Variants in SP100 observed in about 807,000 individuals in gnomAD.
The protein encoded by SP100 is nuclear autoantigen Sp-100.
Under a neutral mutation model 130.0 loss-of-function variants are expected in SP100, and 84 were observed. The ratio of observed to expected loss-of-function variants is 0.65; its 90% CI spans 0.54 to 0.77. The LOEUF (loss-of-function observed/expected upper bound fraction) is 0.77. Ranked by LOEUF, SP100 falls within the 30% of genes least tolerant of loss-of-function variation. The pLI is 0.00. For synonymous variants in SP100, 331 were observed against 351.7 expected (o/e 0.94, Z 0.66); for missense variants, 978 against 1,052.2 (o/e 0.93, Z 0.97).
intron 4 of SP100, among the ~76,000 whole-genome samples, chr2:230,446,221 C>G (rs35919859): frequency 6.6e-6 from 1 of 152,040 alleles, no homozygotes; most frequent in African/African-American, 2.4e-5. Flanking sequence ...TGATCCTCCC[C>G]CCTCAGCCTC....
intron 24 of SP100, among the ~76,000 whole-genome samples, chr2:230,526,714 G>A (rs193297868): frequency 8.5e-5 from 13 of 152,234 alleles, no homozygotes; most frequent in Admixed American, 7.9e-4. Flanking sequence ...AATAAACAGT[G>A]TGGAGAAGAA....
At chr2:230,538,703 C>G (rs1692047817) in intron 24 of SP100, 1 of 153,276 alleles carries the variant, frequency 6.5e-6, no homozygotes, top group Non-Finnish European at 1.5e-5. Flanking sequence ...CCCTGTACTC[C>G]CTGGTGCCCA....
intron 10 of SP100, 154 bp downstream of exon 10, chr2:230,462,672 G>T: frequency 1.6e-6 from 1 of 633,906 alleles, no homozygotes. Flanking sequence ...GACCTTTTTG[G>T]AAAATGCAGG....
At chr2:230,464,198 CA>C (rs767837527) in intron 11 of SP100, 48 bp downstream of exon 11, 6 of 1,139,668 alleles carry the variant, frequency 5.3e-6, no homozygotes, top group Non-Finnish European at 8.0e-6. Flanking sequence ...ATCCAGAGTA[CA>C]AATCCAGAGC....
At chr2:230,421,447 A>G (rs2062765690) in intron 2 of SP100, among the ~76,000 whole-genome samples, 1 of 150,748 alleles carries the variant, frequency 6.6e-6, no homozygotes, top group Non-Finnish European at 1.5e-5. Context: ...TTACTATCTC[A>G]TTTTGGTTTA....
At chr2:230,528,916 T>C (rs1428991833) in intron 24 of SP100, among the ~76,000 whole-genome samples, 1 of 152,220 alleles carries the variant, frequency 6.6e-6, no homozygotes, top group Non-Finnish European at 1.5e-5. Flanking sequence ...TAACAGGTTC[T>C]GAAATTGAGG....
intron 2 of SP100, among the ~76,000 whole-genome samples, chr2:230,435,649 G>C (rs76802348): frequency 6.6e-6 from 1 of 152,030 alleles, no homozygotes; most frequent in Non-Finnish European, 1.5e-5. Context: ...TTCGCTGTGT[G>C]ATTCATTCCA....
chr2:230,432,852 T>G (rs2063139275), intron 2 of SP100, among the ~76,000 whole-genome samples: 1 of 152,216 alleles, frequency 6.6e-6, no homozygotes, highest in Non-Finnish European at 1.5e-5. Flanking sequence ...TGTTAAATTT[T>G]AACATCATTT....
Position 230,469,081 on chromosome 2 carries a change from C to T in SP100, c.1330C>T (p.Pro444Ser). 1 of 1,598,174 alleles carries T rather than the reference C, an allele frequency of 6.3e-7. No homozygotes were observed. Among genetic ancestry groups the T allele is most frequent in the Non-Finnish European group, 8.6e-7 (1 of 1,167,776 alleles). ...TAGAAGTACATCTACTTGGAGAATA[C>T]CCAGCAGGAAGAGACGTAAGAGCAA... is the stretch of plus-strand genomic sequence containing the variant. ...TSRSTSTWRIPSRKRRFSSSD... is the reference protein window; with the variant it reads ...TSRSTSTWRISSRKRRFSSSD... The change falls in exon 14 of 29, where the codon CCC becomes TCC. Residue 444 changes from proline (P) to serine (S), a missense_variant. Transcript: ENST00000340126.
At chr2:230,459,345 A>G (rs2064459303) in intron 8 of SP100, among the ~76,000 whole-genome samples, 1 of 152,176 alleles carries the variant, frequency 6.6e-6, no homozygotes, top group African/African-American at 2.4e-5. Flanking sequence ...TCCTATTACT[A>G]TGGAGAAAGA....
intron 25 of SP100, among the ~76,000 whole-genome samples, chr2:230,540,575 C>T (rs772131940): frequency 6.6e-5 from 10 of 152,144 alleles, no homozygotes; most frequent in African/African-American, 1.9e-4. Flanking sequence ...TGTAGCAAAC[C>T]GTGCTCATTA....
At chr2:230,508,215 A>G (rs1402032526) in intron 23 of SP100, 184 bp downstream of exon 23, 4 of 903,748 alleles carry the variant, frequency 4.4e-6, no homozygotes, top group Non-Finnish European at 6.2e-6. Flanking sequence ...TTGAACATCA[A>G]AACGTTTGAG....
At chr2:230,514,927 G>T (rs1411822468) in intron 24 of SP100, 1 of 1,098,580 alleles carries the variant, frequency 9.1e-7, no homozygotes, top group Non-Finnish European at 1.3e-6. Context: ...ACAAGAGATT[G>T]CAGTACATTG....
At chr2:230,504,375 G>T in intron 21 of SP100, 85 bp downstream of exon 21, 1 of 749,248 alleles carries the variant, frequency 1.3e-6, no homozygotes. Flanking sequence ...ACTTGCCTTT[G>T]AGGTTCTGCA....
intron 1 of SP100, chr2:230,416,687 G>A: frequency 1.0e-6 from 1 of 982,470 alleles, no homozygotes; most frequent in Non-Finnish European, 1.2e-6. Context: ...CTTCAAATAT[G>A]TCATGTCAAA....
At chr2:230,520,341 C>T (rs1187318727) in intron 24 of SP100, among the ~76,000 whole-genome samples, 1 of 152,090 alleles carries the variant, frequency 6.6e-6, no homozygotes. Flanking sequence ...CTCATGCACT[C>T]AAAAATGAGA....
chr2:230,506,156 A>T, intron 21 of SP100, 147 bp from the exon 22 acceptor site: 1 of 716,102 alleles, frequency 1.4e-6, no homozygotes, highest in Admixed American at 2.5e-5. Context: ...CAGGCTGGGT[A>T]TGAAGCCCCT....
chr2:230,531,567 A>AAT (rs1247709520), intron 24 of SP100, among the ~76,000 whole-genome samples: 3 of 152,270 alleles, frequency 2.0e-5, no homozygotes, highest in Non-Finnish European at 2.9e-5. Context: ...AAAATAAATT[A>AAT]ATTAATTTAA....
rs146684811 is a variant in SP100 at position 230,485,899 on chromosome 2, G to C, written c.1601-8517G>C. On this transcript the variant is annotated intron_variant, in intron 17 of 28. Coordinates refer to ENST00000340126, the MANE Select transcript of SP100 (RefSeq NM_001080391.2). Reference sequence around the variant, plus strand: ...TGGGTTTTTTAAAAGTCAACACTCTGCATTCTGTCTTCTATTCATTTTATG... The same window carrying C: ...TGGGTTTTTTAAAAGTCAACACTCTCCATTCTGTCTTCTATTCATTTTATG... Among the ~76,000 whole-genome samples the C allele has an allele frequency of 3.7e-4, 56 of 152,226 alleles. 1 individual carries two copies. Among genetic ancestry groups the C allele is most frequent in the African/African-American group, 1.3e-3 (53 of 41,552 alleles).
Sources: gnomAD v4.1 joint callset for allele counts (sites outside exome capture counted in the v4.1 genomes callset) on GRCh38, gnomAD v4.1.1 for gene constraint, MANE v1.5 for transcripts, NCBI Gene and HGNC (gene_info 2026-07-23, HGNC 2026-07-21) for gene names.